Variants in FBF1 observed in about 807,000 individuals in gnomAD.
The protein encoded by FBF1 is fas-binding factor 1.
In FBF1, 119 loss-of-function variants were observed where a neutral mutation model predicts 147.2. That is an observed-to-expected ratio of 0.81 (90% confidence interval 0.70 to 0.94). The LOEUF is 0.94. Among genes scored for constraint, FBF1 ranks in the 40% least tolerant of loss-of-function variants. FBF1 has a pLI of 0.00. For missense variants in FBF1, 1,449 were observed against 1,500.8 expected, an observed-to-expected ratio of 0.97 and a Z score of 0.57; for synonymous variants, 601 against 609.0, an observed-to-expected ratio of 0.99 and a Z score of 0.19.
At chr17:75,914,323 C>CTGTCCTCCGCT in intron 25 of FBF1, 25 bp from the exon 26 acceptor site, 1 of 1,574,514 alleles carries the variant, frequency 6.4e-7, no homozygotes, top group Non-Finnish European at 8.6e-7. Context: ...GGCCCTGCTG[C>CTGTCCTCCGCT]ATTCTCCTCC....
At chr17:75,931,372 C>G in intron 5 of FBF1, 83 bp from the exon 6 acceptor site, 1 of 1,270,204 alleles carries the variant, frequency 7.9e-7, no homozygotes, top group South Asian at 1.3e-5. Flanking sequence ...TTAGAAAGCC[C>G]AAGGAATCTC....
intron 13 of FBF1, among the ~76,000 whole-genome samples, chr17:75,924,674 C>T (rs972414449): frequency 2.0e-5 from 3 of 152,130 alleles, no homozygotes; most frequent in African/African-American, 4.8e-5. Flanking sequence ...GACGGGGTTT[C>T]ACCATGTTGG....
chr17:75,912,402 G>A, intron 28 of FBF1, 95 bp from the exon 29 acceptor site: 1 of 914,796 alleles, frequency 1.1e-6, no homozygotes, highest in South Asian at 1.8e-5. Context: ...CCCCGCCAGT[G>A]GGTGGACCCT....
intron 28 of FBF1, 89 bp from the exon 29 acceptor site, chr17:75,912,396 G>A (rs975096064): frequency 3.6e-5 from 34 of 953,178 alleles, no homozygotes; most frequent in South Asian, 5.2e-5. Flanking sequence ...TGCTCCCCCC[G>A]CCAGTGGGTG....
rs930768166 is a variant in FBF1 at position 75,925,515 on chromosome 17, T to C, written c.869-69A>G. 15 of 1,383,050 alleles carry C rather than the reference T, an allele frequency of 1.1e-5. No individual in the cohort carries two copies. The African/African-American group carries it at 1.9e-4, about 17-fold the overall frequency. 85.7% of individuals were successfully genotyped at this position (1,383,050 alleles called of 1,614,324 possible). On this transcript the variant is annotated intron_variant, in intron 12 of 29. Transcript: ENST00000636174. This position sits in a 1 kb window ranked among gnomAD's most constrained non-coding sequence, Gnocchi z 5.0. ...CCAAGCTCATTTGCGGCTGCAAAAT[T>C]CTAACAAAAGCTGAATTTGGTAGCT...
intron 3 of FBF1, among the ~76,000 whole-genome samples, 194 bp downstream of exon 3, chr17:75,937,372 G>A (rs755196549): frequency 4.6e-5 from 7 of 152,090 alleles, no homozygotes; most frequent in Admixed American, 1.3e-4. Flanking sequence ...GGGTTTCATC[G>A]TGTTAGCCAG....
chr17:75,925,023 C>G lies in FBF1; in HGVS notation c.968+324G>C, dbSNP rs543343672. 3.3e-5 allele frequency among the ~76,000 whole-genome samples: 5 copies of G among 152,250 alleles called. No individual in the cohort carries two copies. The highest frequency in any genetic ancestry group is 3.9e-4 in the East Asian group (2 of 5,182). ...AAGTATGTTCCTTGGGGAGACCGAG[C>G]GACATCACAGCCTTTTATGATTTCA... On this transcript the variant is annotated intron_variant, in intron 13 of 29. Coordinates refer to ENST00000636174, the MANE Select transcript of FBF1 (RefSeq NM_001319193.2). The surrounding 1 kb of genome is among the most constrained non-coding windows in gnomAD (Gnocchi z 5.0).
intron 5 of FBF1, among the ~76,000 whole-genome samples, chr17:75,932,611 G>A (rs1022832851): frequency 1.3e-5 from 2 of 151,800 alleles, no homozygotes; most frequent in South Asian, 2.1e-4. Context: ...CGGGTGGGCC[G>A]GGCATGGTGC....
chr17:75,932,775 A>G (rs1301060429), intron 5 of FBF1, among the ~76,000 whole-genome samples: 2 of 151,684 alleles, frequency 1.3e-5, no homozygotes, highest in African/African-American at 4.8e-5. Flanking sequence ...AGTCCCAGCT[A>G]CTTGGGAGGC....
chr17:75,912,123 C>T, intron 29 of FBF1, 69 bp downstream of exon 29: 7 of 1,462,146 alleles, frequency 4.8e-6, no homozygotes, highest in Non-Finnish European at 6.6e-6. Flanking sequence ...CCATGTGCTC[C>T]TCCCTGCCTC....
intron 22 of FBF1, 27 bp from the exon 23 acceptor site, chr17:75,917,877 C>A: frequency 6.9e-7 from 1 of 1,454,864 alleles, no homozygotes; most frequent in East Asian, 2.5e-5. Flanking sequence ...GGGTGCTCAG[C>A]AGCTGCTCCC....
rs1371740509 is a variant in FBF1, at chr17:75,918,296, G to A, written c.2139-27C>T. On this transcript the variant is annotated intron_variant, in intron 20 of 29. Transcript: ENST00000636174. This position sits in a 1 kb window ranked among gnomAD's most constrained non-coding sequence, Gnocchi z 5.8. ...TGAGGGGAGGCGGGAGGGGAAGGCG[G>A]TCACTCTGAGCTGGATCACCCTGAT... The A allele has an allele frequency of 6.3e-7, 1 of 1,591,848 alleles. No homozygotes were observed. Among genetic ancestry groups the A allele is most frequent in the Non-Finnish European group, 8.6e-7 (1 of 1,163,518 alleles).
At position 75,917,933 on chromosome 17, in the gene FBF1, C is replaced by T. The variant is rs199653543; in HGVS notation, c.2384G>A (p.Arg795Gln). ...GTGGCTGAGAGGGGAGGGCGTACCC[C>T]GCAGCTGCTCGTCACGCTGCCGGAT... Reference protein sequence around the residue: ...LGIRQRDEQLRALQERLGQQQ... With the variant: ...LGIRQRDEQLQALQERLGQQQ... The change falls in exon 22 of 30, where the codon CGG becomes CAG. Residue 795 changes from arginine to glutamine, a missense_variant and splice_region_variant. Transcript: ENST00000636174. 2.8e-4 allele frequency: 453 copies of T among 1,598,008 alleles called. No homozygotes were observed. Among genetic ancestry groups the T allele is most frequent in the Non-Finnish European group, 3.6e-4 (422 of 1,171,584 alleles).
At chr17:75,914,353 T>C in intron 25 of FBF1, 55 bp from the exon 26 acceptor site, 1 of 1,532,106 alleles carries the variant, frequency 6.5e-7, no homozygotes. Context: ...CGCTGCACTC[T>C]GTGCAGGACT....
chr17:75,938,555 C>CAAAAAAAAA, intron 1 of FBF1, among the ~76,000 whole-genome samples: 1 of 58,872 alleles, frequency 1.7e-5, no homozygotes, highest in Non-Finnish European at 3.2e-5. Context: ...GACTCCATCT[C>CAAAAAAAAA]AAAAAAAAAA....
Position 75,917,868 on chromosome 17 carries a change from G to A in FBF1, c.2387-18C>T, listed in dbSNP as rs905200993. 2.6e-6 allele frequency: 4 copies of A among 1,562,612 alleles called. No individual in the cohort carries two copies. The highest frequency in any genetic ancestry group is 3.4e-6 in the Non-Finnish European group (4 of 1,161,972). On this transcript the variant is annotated intron_variant, in intron 22 of 29. Coordinates refer to ENST00000636174, the MANE Select transcript of FBF1 (RefSeq NM_001319193.2). The stretch of plus-strand genomic sequence containing the variant: ...CTGCAGTGCTGGGGGCAACCCACAG[G>A]GTGCTCAGCAGCTGCTCCCCCTTCC...
chr17:75,913,323 T>C (rs995208095), intron 28 of FBF1, among the ~76,000 whole-genome samples: 1 of 151,596 alleles, frequency 6.6e-6, no homozygotes, highest in Non-Finnish European at 1.5e-5. Context: ...TAATTTTGTA[T>C]TTTTAGCAGA....
intron 15 of FBF1, 119 bp from the exon 16 acceptor site, chr17:75,921,679 G>A (rs1460643951): frequency 1.6e-6 from 1 of 608,244 alleles, no homozygotes; most frequent in Non-Finnish European, 2.8e-6. Context: ...CCTCTACGTG[G>A]GACACGGGGA....
rs1159146427 is a variant in FBF1, at chr17:75,925,544, T to C, written c.869-98A>G. Reference sequence around the variant, plus strand: ...ACAAAAGCTGAATTTGGTAGCTTGTTGTGTAAGACAAGCAGAGGGAAGCTG... The same window carrying C: ...ACAAAAGCTGAATTTGGTAGCTTGTCGTGTAAGACAAGCAGAGGGAAGCTG... On this transcript the variant is annotated intron_variant, in intron 12 of 29. Coordinates refer to ENST00000636174, the MANE Select transcript of FBF1 (RefSeq NM_001319193.2). This position sits in a 1 kb window ranked among gnomAD's most constrained non-coding sequence, Gnocchi z 5.0. The C allele has an allele frequency of 9.6e-7, 1 of 1,043,914 alleles. No homozygotes were observed. The highest frequency in any genetic ancestry group is 1.4e-6 in the Non-Finnish European group (1 of 706,360). The allele number at this position is 1,043,914 out of a possible 1,614,324, so 64.7% of individuals were successfully genotyped here.
Sources: gnomAD v4.1 joint callset for allele counts (sites outside exome capture counted in the v4.1 genomes callset) on GRCh38, gnomAD v4.1.1 for gene constraint, Gnocchi (gnomAD v3.1) non-coding constraint, MANE v1.5 for transcripts, NCBI Gene and HGNC (gene_info 2026-07-23, HGNC 2026-07-21) for gene names.